TOP1: variants seen among roughly 807,000 people sequenced by gnomAD.
TOP1 encodes DNA topoisomerase I.
In TOP1, 10 loss-of-function variants were observed where a neutral mutation model predicts 111.1. The ratio of observed to expected loss-of-function variants is 0.09; its 90% CI spans 0.06 to 0.15. The LOEUF is 0.15. TOP1 is among the 10% of genes least tolerant of loss of function. The probability of loss-of-function intolerance (pLI) is 1.00; values close to 1 mark genes in which losing one functional copy is unlikely to be tolerated. For missense variants in TOP1, 474 were observed against 926.7 expected, an observed-to-expected ratio of 0.51 and a Z score of 6.34; for synonymous variants, 271 against 302.9, an observed-to-expected ratio of 0.89 and a Z score of 1.10.
At chr20:41,077,809 C>A (rs1473151217) in intron 5 of TOP1, among the ~76,000 whole-genome samples, 172 bp downstream of exon 5, 4 of 152,170 alleles carry the variant, frequency 2.6e-5, no homozygotes, top group African/African-American at 9.7e-5. Flanking sequence ...AGCCTTTCTA[C>A]AGTGCCATAT....
rs777893669 is a variant in TOP1 at position 41,076,254 on chromosome 20, AACATAAAGACAG to A, written c.241_252del (p.His81_Arg84del). Reference sequence around the variant, plus strand: ...GGAAGCTCAGAAAAGCATAAAGACAAACATAAAGACAGAGACAAGGAAAAACGAAAAGAGGAA... The same window carrying A: ...GGAAGCTCAGAAAAGCATAAAGACAAAGACAAGGAAAAACGAAAAGAGGAA... On this transcript the variant is annotated inframe_deletion, in exon 4 of 21. Transcript: ENST00000361337. 1.2e-6 allele frequency: 2 copies of A among 1,607,180 alleles called. No homozygotes were observed. The highest frequency in any genetic ancestry group is 2.2e-5 in the South Asian group (2 of 90,824).
intron 2 of TOP1, among the ~76,000 whole-genome samples, chr20:41,038,846 G>A (rs1181423980): frequency 6.6e-6 from 1 of 152,126 alleles, no homozygotes; most frequent in Non-Finnish European, 1.5e-5. Flanking sequence ...AAATTAGCCA[G>A]GTGTGTTGGT....
rs189116396 is a variant in TOP1, at chr20:41,069,008, A to G, written c.156-7163A>G. Among the ~76,000 whole-genome samples the G allele has an allele frequency of 6.8e-4, 104 of 152,358 alleles. No individual in the cohort carries two copies. The highest frequency in any genetic ancestry group is 3.7e-3 in the Admixed American group (56 of 15,308). ...AAATTTGTGGAAAGCAAGGGAAGACAGAAAACTGCTGTAAAATAGCAAGGG... is the reference window on the plus strand; with the variant it reads ...AAATTTGTGGAAAGCAAGGGAAGACGGAAAACTGCTGTAAAATAGCAAGGG... On this transcript the variant is annotated intron_variant, in intron 3 of 20. Coordinates refer to ENST00000361337, the MANE Select transcript of TOP1 (RefSeq NM_003286.4). The surrounding 1 kb of genome is among the most constrained non-coding windows in gnomAD (Gnocchi z 4.1).
At chr20:41,053,491 A>AATCTTACT (rs1235079019) in intron 2 of TOP1, among the ~76,000 whole-genome samples, 6 of 152,222 alleles carry the variant, frequency 3.9e-5, no homozygotes, top group Non-Finnish European at 5.9e-5. Flanking sequence ...TAAATTAAGC[A>AATCTTACT]ATCTTACTGC....
chr20:41,051,618 A>G (rs1291917534), intron 2 of TOP1, among the ~76,000 whole-genome samples: 1 of 152,208 alleles, frequency 6.6e-6, no homozygotes, highest in Non-Finnish European at 1.5e-5. Flanking sequence ...TGGCGTTAAC[A>G]GTGCCTTCCT....
rs1028284286 is a variant in TOP1, at chr20:41,094,459, G to A, written c.730+1872G>A. 6.6e-6 allele frequency among the ~76,000 whole-genome samples: 1 copy of A among 152,178 alleles called. No individual in the cohort carries two copies. Among genetic ancestry groups the A allele is most frequent in the Non-Finnish European group, 1.5e-5 (1 of 68,028 alleles). ...CTTTGAGGTTCAAAGTGATGGGAGG[G>A]AAAGCTAGATTCCCTAGTCCTGTGG... On this transcript the variant is annotated intron_variant, in intron 9 of 20. Coordinates refer to ENST00000361337, the MANE Select transcript of TOP1 (RefSeq NM_003286.4). This position sits in a 1 kb window ranked among gnomAD's most constrained non-coding sequence, Gnocchi z 4.4.
chr20:41,089,017 G>GTTTTTTT (rs1290740653), intron 8 of TOP1, among the ~76,000 whole-genome samples: 27 of 69,252 alleles, frequency 3.9e-4, no homozygotes, highest in East Asian at 7.6e-4. Flanking sequence ...TGTTGCCCCA[G>GTTTTTTT]TTCTTTTTTT....
At chr20:41,051,600 G>A (rs2033406350) in intron 2 of TOP1, among the ~76,000 whole-genome samples, 1 of 152,178 alleles carries the variant, frequency 6.6e-6, no homozygotes, top group African/African-American at 2.4e-5. Flanking sequence ...TCTGCATGGG[G>A]AATGCTATGG....
intron 3 of TOP1, among the ~76,000 whole-genome samples, chr20:41,063,783 G>T (rs540125638): frequency 2.0e-5 from 3 of 151,338 alleles, no homozygotes; most frequent in Non-Finnish European, 2.9e-5. Flanking sequence ...TTTTAATGGG[G>T]TTACTTGTTT....
At chr20:41,039,725 G>A (rs1055115268) in intron 2 of TOP1, among the ~76,000 whole-genome samples, 30 of 151,980 alleles carry the variant, frequency 2.0e-4, no homozygotes, top group Admixed American at 5.9e-4. Context: ...TGGCTAACAC[G>A]GCGAAACCCC....
chr20:41,084,012 A>C (rs1271541165), intron 7 of TOP1, among the ~76,000 whole-genome samples: 4 of 152,176 alleles, frequency 2.6e-5, no homozygotes, highest in Non-Finnish European at 5.9e-5. Flanking sequence ...ACTATACTCC[A>C]CTAAATCAAC....
rs182225079 is a variant in TOP1, at chr20:41,102,471, G to A, written c.1308+1118G>A. On this transcript the variant is annotated intron_variant, in intron 13 of 20. Transcript: ENST00000361337. This position sits in a 1 kb window ranked among gnomAD's most constrained non-coding sequence, Gnocchi z 4.0. ...CTAAAAATACAAAAATTAGCCAGGCGTGGTAGTGGGTGCCTGTAATCCCAT... is the reference window on the plus strand; with the variant it reads ...CTAAAAATACAAAAATTAGCCAGGCATGGTAGTGGGTGCCTGTAATCCCAT... Among the ~76,000 whole-genome samples, 170 of 152,202 alleles carry A rather than the reference G, an allele frequency of 1.1e-3. 1 individual carries two copies. The highest frequency in any genetic ancestry group is 4.8e-3 in the East Asian group (25 of 5,166).
Position 41,061,302 on chromosome 20 carries a change from C to G in TOP1, c.59-92C>G. On this transcript the variant is annotated intron_variant, in intron 2 of 20. Transcript: ENST00000361337. This position sits in a 1 kb window ranked among gnomAD's most constrained non-coding sequence, Gnocchi z 4.6. ...TTATGCCTACCATGCCATTTGAATC[C>G]TGTCATTGTACTTCTTGACCAGCTT... The G allele has an allele frequency of 8.1e-7, 1 of 1,232,932 alleles. No individual in the cohort carries two copies. The highest frequency in any genetic ancestry group is 1.2e-6 in the Non-Finnish European group (1 of 867,410). The allele number at this position is 1,232,932 out of a possible 1,614,324, so 76.4% of individuals were successfully genotyped here.
At chr20:41,049,232 T>G (rs1417078197) in intron 2 of TOP1, among the ~76,000 whole-genome samples, 1 of 152,228 alleles carries the variant, frequency 6.6e-6, no homozygotes, top group Non-Finnish European at 1.5e-5. Flanking sequence ...GAAGTGTTTT[T>G]AAGTCAGTTT....
chr20:41,113,046 T>A, intron 14 of TOP1, 121 bp downstream of exon 14: 2 of 1,046,060 alleles, frequency 1.9e-6, no homozygotes, highest in Non-Finnish European at 2.7e-6. Flanking sequence ...TATTTGTATG[T>A]AAAACTGAAT....
chr20:41,113,897 AAAC>A, intron 14 of TOP1, 70 bp from the exon 15 acceptor site: 6 of 1,266,988 alleles, frequency 4.7e-6, no homozygotes, highest in Admixed American at 2.6e-5. Flanking sequence ...AAAAAAAAAA[AAAC>A]ACAGAACGAA....
chr20:41,097,034 A>C lies in TOP1; in HGVS notation c.731-186A>C, dbSNP rs1347274274. Among the ~76,000 whole-genome samples the C allele has an allele frequency of 6.6e-6, 1 of 152,244 alleles. No individual in the cohort carries two copies. Among genetic ancestry groups the C allele is most frequent in the Non-Finnish European group, 1.5e-5 (1 of 68,050 alleles). On this transcript the variant is annotated intron_variant, in intron 9 of 20. Coordinates refer to ENST00000361337, the MANE Select transcript of TOP1 (RefSeq NM_003286.4). The surrounding 1 kb of genome is among the most constrained non-coding windows in gnomAD (Gnocchi z 4.2). ...CCCAGGTAAATATATGCTAAAGAGA[A>C]GGAGAATTTGTACAAGTAGATATAA...
At chr20:41,108,368 T>A (rs1487448515) in intron 13 of TOP1, among the ~76,000 whole-genome samples, 1 of 152,190 alleles carries the variant, frequency 6.6e-6, no homozygotes, top group Non-Finnish European at 1.5e-5. Context: ...ATTAAAGGAA[T>A]CATTCAGGGG....
At chr20:41,068,680 C>T (rs2033636196) in intron 3 of TOP1, among the ~76,000 whole-genome samples, 1 of 152,278 alleles carries the variant, frequency 6.6e-6, no homozygotes, top group South Asian at 2.1e-4. Flanking sequence ...CAGGCATGAG[C>T]CACCATGGCC....
Sources: allele counts gnomAD v4.1 joint callset (sites outside exome capture counted in the v4.1 genomes callset), GRCh38; gene constraint gnomAD v4.1.1; non-coding constraint Gnocchi (gnomAD v3.1); transcripts MANE v1.5; gene names NCBI Gene and HGNC (gene_info 2026-07-23, HGNC 2026-07-21).